Variants in L3MBTL1 observed in about 807,000 individuals in gnomAD.
L3MBTL1 encodes the protein L3MBTL histone methyl-lysine binding protein 1.
Under a neutral mutation model 105.3 loss-of-function variants are expected in L3MBTL1, and 75 were observed. The ratio of observed to expected loss-of-function variants is 0.71; its 90% CI spans 0.59 to 0.86. L3MBTL1 has a LOEUF of 0.86. Among genes scored for constraint, L3MBTL1 ranks in the 40% least tolerant of loss-of-function variants. The probability of loss-of-function intolerance (pLI) is 0.00; values close to 1 mark genes in which losing one functional copy is unlikely to be tolerated. For missense variants in L3MBTL1, 1,069 were observed against 1,126.4 expected (o/e 0.95, Z 0.73); for synonymous variants, 452 against 436.2 (o/e 1.04, Z -0.45).
intron 2 of L3MBTL1, 56 bp downstream of exon 2, chr20:43,513,695 A>G (rs2018203233): frequency 6.5e-6 from 10 of 1,549,272 alleles, no homozygotes; most frequent in African/African-American, 1.4e-5. Context: ...TACCTGCTCA[A>G]GCAAGTGTGG....
chr20:43,536,360 T>C, intron 18 of L3MBTL1, 49 bp from the exon 19 acceptor site: 9 of 1,613,162 alleles, frequency 5.6e-6, no homozygotes, highest in Non-Finnish European at 7.6e-6. Context: ...CCTCTTGGAC[T>C]GGGCCAGACA....
intron 7 of L3MBTL1, among the ~76,000 whole-genome samples, chr20:43,520,678 C>A (rs1479106549): frequency 6.6e-6 from 1 of 152,138 alleles, no homozygotes; most frequent in African/African-American, 2.4e-5. Flanking sequence ...TGCTTATTTG[C>A]CATTTATATA....
At chr20:43,538,730 C>T (rs2019757943) in intron 19 of L3MBTL1, among the ~76,000 whole-genome samples, 1 of 152,244 alleles carries the variant, frequency 6.6e-6, no homozygotes, top group Non-Finnish European at 1.5e-5. Context: ...CTGGTAAGCA[C>T]TCCTGGCCTG....
chr20:43,545,904 C>T (rs1252081109), downstream of L3MBTL1, among the ~76,000 whole-genome samples: 2 of 152,204 alleles, frequency 1.3e-5, no homozygotes, highest in African/African-American at 2.4e-5. Context: ...GTCCTGCCTC[C>T]GTTTAACCTC....
rs1005853412 is a variant in L3MBTL1, at chr20:43,513,566, C to G, written c.63C>G (p.Val21=). 6 of 1,550,592 alleles carry G rather than the reference C, an allele frequency of 3.9e-6. No homozygotes were observed. In the African/African-American group the frequency reaches 6.8e-5, roughly 18 times the overall value. ...RTLKGPSTGE[V]SMHLVAGDSP... ...TGAAGGGGCCTTCCACAGGGGAGGT[C>G]AGCATGCACTTGGTGGCCGGAGACA... is the stretch of plus-strand genomic sequence containing the variant. The change falls in exon 2 of 22, where the codon GTC becomes GTG. Residue 21 remains valine (V), a synonymous_variant. Coordinates refer to ENST00000418998, the MANE Select transcript of L3MBTL1 (RefSeq NM_001377303.1).
Position 43,535,830 on chromosome 20 carries a change from C to T in L3MBTL1, c.1826-7C>T, listed in dbSNP as rs201619816. The T allele has an allele frequency of 6.5e-5, 102 of 1,574,878 alleles. No homozygotes were observed. The Admixed American group carries it at 1.1e-3, about 17-fold the overall frequency. Reference sequence around the variant, plus strand: ...CCATGAGGACCGCCTCCTTTCTGCTCTTTTAGGACCCAGAGAGCCCAGCTC... The same window carrying T: ...CCATGAGGACCGCCTCCTTTCTGCTTTTTTAGGACCCAGAGAGCCCAGCTC... On this transcript the variant is annotated splice_polypyrimidine_tract_variant and splice_region_variant and intron_variant, in intron 16 of 21. Transcript: ENST00000418998.
chr20:43,519,755 T>TTAAGCC (rs1391375830), intron 7 of L3MBTL1, among the ~76,000 whole-genome samples: 2 of 152,254 alleles, frequency 1.3e-5, no homozygotes, highest in Non-Finnish European at 2.9e-5. Flanking sequence ...ATCCTTCTAC[T>TTAAGCC]TAAGCCTTCT....
intron 1 of L3MBTL1, among the ~76,000 whole-genome samples, chr20:43,509,465 G>T (rs2018075768): frequency 6.6e-6 from 1 of 152,180 alleles, no homozygotes; most frequent in African/African-American, 2.4e-5. Context: ...GGGCTCAAGT[G>T]ATCCTCCCAC....
chr20:43,511,051 G>A (rs1021094186), intron 1 of L3MBTL1, among the ~76,000 whole-genome samples: 3 of 151,692 alleles, frequency 2.0e-5, no homozygotes, highest in African/African-American at 7.3e-5. Context: ...TTTGGTTTTG[G>A]TTTTTGGTTT....
chr20:43,547,310 T>C lies in L3MBTL1; in HGVS notation c.2125-801T>C, dbSNP rs11908514. On this transcript the variant is annotated intron_variant, in intron 18 of 18. Coordinates refer to the L3MBTL1 transcript ENST00000422861. ...TAGTAGAAGCGGGGTTTCACTGTGT[T>C]AGCCAGGATGGTCTCGATCTCCTGA... 1.2e-3 allele frequency among the ~76,000 whole-genome samples: 184 copies of C among 152,200 alleles called. 2 individuals carry two copies. Among genetic ancestry groups the C allele is most frequent in the African/African-American group, 4.1e-3 (172 of 41,534 alleles).
chr20:43,507,901 G>A (rs1488579028), intron 1 of L3MBTL1, among the ~76,000 whole-genome samples, 157 bp downstream of exon 1: 1 of 152,160 alleles, frequency 6.6e-6, no homozygotes, highest in East Asian at 1.9e-4. Context: ...AGGAGGTTCG[G>A]GAAAACGCCG....
At position 43,514,440 on chromosome 20, in the gene L3MBTL1, C is replaced by A; in HGVS notation, c.361-195C>A. 6 of 1,483,182 alleles carry A rather than the reference C, an allele frequency of 4.0e-6. No individual in the cohort carries two copies. The South Asian group carries it at 8.2e-5, about 20-fold the overall frequency. 91.9% of individuals were successfully genotyped at this position (1,483,182 alleles called of 1,614,324 possible). A position where few individuals can be genotyped will look rare whatever the true frequency, so the allele number is the denominator to read the frequency against. On this transcript the variant is annotated intron_variant, in intron 3 of 21. Transcript: ENST00000418998. Reference sequence around the variant, plus strand: ...AGTGGGGCACCCTGGGACTGGACCCCGCAGGTGCTTGGGGGCGTAGCCTGG... The same window carrying A: ...AGTGGGGCACCCTGGGACTGGACCCAGCAGGTGCTTGGGGGCGTAGCCTGG...
chr20:43,532,708 A>C, intron 11 of L3MBTL1, 65 bp from the exon 12 acceptor site: 1 of 1,557,476 alleles, frequency 6.4e-7, no homozygotes, highest in Non-Finnish European at 8.8e-7. Context: ...TTTGTTTGCC[A>C]ATGGGCTCTG....
intron 8 of L3MBTL1, 48 bp downstream of exon 8, chr20:43,528,793 G>T: frequency 1.4e-6 from 2 of 1,425,706 alleles, no homozygotes; most frequent in Non-Finnish European, 2.0e-6. Context: ...TCCTAGCCTA[G>T]GGACACACCA....
At chr20:43,549,757 ACT>A (rs1464691978) in exon 19 of L3MBTL1, 1 of 151,244 alleles carries the variant, frequency 6.6e-6, no homozygotes, top group Admixed American at 6.6e-5. Flanking sequence ...TGTGTGTGGC[ACT>A]CTCAGAAGTG....
chr20:43,517,074 G>A (rs1206289309), intron 7 of L3MBTL1, among the ~76,000 whole-genome samples: 4 of 151,342 alleles, frequency 2.6e-5, no homozygotes, highest in Non-Finnish European at 5.9e-5. Context: ...TGGGATTACA[G>A]GTGTGAGGTA....
chr20:43,536,136 C>A lies in L3MBTL1; in HGVS notation c.1965C>A (p.Val655=). 1 of 1,613,740 alleles carries A rather than the reference C, an allele frequency of 6.2e-7. No individual in the cohort carries two copies. The highest frequency in any genetic ancestry group is 1.1e-5 in the South Asian group (1 of 91,082). ...CTGGTTGCGACGGCTCTGGCCATGT[C>A]ACAGGCAAGTTCACAGCTCACCATT... ...PTPGCDGSGH[V]TGKFTAHHCL... The change falls in exon 18 of 22, where the codon GTC becomes GTA. Residue 655 remains valine (V), a synonymous_variant. Transcript: ENST00000418998.
rs1463044542 is a variant in L3MBTL1, at chr20:43,513,998, C to CAGCACA, written c.298_303dup (p.Ser100_Thr101dup). ...GCGCCGGGCCGGCCAGCTCCAGCAC[C>CAGCACA]AGCACAGTGCGGCTTCTGGAATGGA... On this transcript the variant is annotated inframe_insertion, in exon 3 of 22. Coordinates refer to ENST00000418998, the MANE Select transcript of L3MBTL1 (RefSeq NM_001377303.1). The CAGCACA allele has an allele frequency of 3.2e-6, 5 of 1,543,226 alleles. No individual in the cohort carries two copies. The highest frequency in any genetic ancestry group is 4.4e-6 in the Non-Finnish European group (5 of 1,146,860).
At position 43,540,784 on chromosome 20, in the gene L3MBTL1, G is replaced by T. The variant is rs1321773469; in HGVS notation, c.2363G>T (p.Cys788Phe). The T allele has an allele frequency of 6.2e-7, 1 of 1,614,212 alleles. No homozygotes were observed. The highest frequency in any genetic ancestry group is 1.7e-5 in the Admixed American group (1 of 60,022). Residue 788 changes from cysteine (C) to phenylalanine (F), a missense_variant, in exon 21 of 22, where the codon TGT becomes TTT. Cys to Phe is a radical substitution (Grantham distance 205). Transcript: ENST00000418998. Reference protein sequence around the residue: ...VFGFVQTLTGCEDQARLFKDE... With the variant: ...VFGFVQTLTGFEDQARLFKDE... ...GGCTTTGTTCAGACCCTGACAGGTT[G>T]TGAGGACCAAGCACGCCTCTTCAAA...
Sources: allele counts gnomAD v4.1 joint callset (sites outside exome capture counted in the v4.1 genomes callset), GRCh38; gene constraint gnomAD v4.1.1; transcripts MANE v1.5; gene names NCBI Gene and HGNC (gene_info 2026-07-23, HGNC 2026-07-21).